Variants in SULF1 observed in about 807,000 individuals in gnomAD.
SULF1 encodes extracellular sulfatase Sulf-1.
Under a neutral mutation model 110.5 loss-of-function variants are expected in SULF1, and 46 were observed. The observed-to-expected ratio is 0.42, with a 90% CI of 0.33 to 0.53. SULF1 has a LOEUF of 0.53. SULF1 is among the 20% of genes least tolerant of loss of function. SULF1 has a pLI of 0.12. For missense variants in SULF1, 941 were observed against 1,094.2 expected (o/e 0.86, Z 1.98); for synonymous variants, 371 against 387.1 (o/e 0.96, Z 0.49).
chr8:69,627,988 C>G, intron 17 of SULF1, 122 bp downstream of exon 17: 1 of 898,856 alleles, frequency 1.1e-6, no homozygotes, highest in East Asian at 2.4e-5. Flanking sequence ...GTACGATAAC[C>G]TAAGCTATTT....
chr8:69,500,738 G>A (rs1810737282), intron 2 of SULF1, among the ~76,000 whole-genome samples: 1 of 152,200 alleles, frequency 6.6e-6, no homozygotes, highest in Non-Finnish European at 1.5e-5. Context: ...AGTGAAGCGA[G>A]TGATCTAGAG....
At chr8:69,590,866 C>T (rs1047475486) in intron 8 of SULF1, among the ~76,000 whole-genome samples, 4 of 152,196 alleles carry the variant, frequency 2.6e-5, no homozygotes, top group Non-Finnish European at 5.9e-5. Context: ...TTATAGCTCA[C>T]TTACAAATTT....
intron 3 of SULF1, among the ~76,000 whole-genome samples, chr8:69,548,758 G>A (rs1814476826): frequency 6.6e-6 from 1 of 151,862 alleles, no homozygotes; most frequent in Admixed American, 6.6e-5. Context: ...ACCGTGCCCA[G>A]ACTTGGATGT....
At chr8:69,512,471 G>A (rs530337319) in intron 3 of SULF1, among the ~76,000 whole-genome samples, 158 of 152,320 alleles carry the variant, frequency 1.0e-3, no homozygotes, top group African/African-American at 3.6e-3. Flanking sequence ...ATTGTAAAAA[G>A]ACAATGGAGA....
At chr8:69,614,311 A>G (rs1358743679) in intron 13 of SULF1, among the ~76,000 whole-genome samples, 1 of 152,240 alleles carries the variant, frequency 6.6e-6, no homozygotes, top group African/African-American at 2.4e-5. Context: ...ACCGATGAGT[A>G]AAAAACACCA....
chr8:69,657,653 T>C (rs1455549728), intron 22 of SULF1, among the ~76,000 whole-genome samples: 1 of 152,240 alleles, frequency 6.6e-6, no homozygotes, highest in Non-Finnish European at 1.5e-5. Flanking sequence ...TAGGATTCTC[T>C]ATCTTCTAGC....
rs115934063 is a variant in SULF1 at position 69,515,371 on chromosome 8, G to A, written c.-134+13403G>A. Among the ~76,000 whole-genome samples, 72 of 152,328 alleles carry A rather than the reference G, an allele frequency of 4.7e-4. 1 individual carries two copies. The highest frequency in any genetic ancestry group is 1.7e-3 in the African/African-American group (70 of 41,576). ...CCAAGCTTTATCTTGGCCCCTGTTA[G>A]CCATGGCTGGAGTTGGAGCAGCTAG... On this transcript the variant is annotated intron_variant, in intron 3 of 22. Coordinates refer to ENST00000402687, the MANE Select transcript of SULF1 (RefSeq NM_001128205.2).
chr8:69,478,629 C>A (rs1053114715), intron 1 of SULF1, among the ~76,000 whole-genome samples: 5 of 152,204 alleles, frequency 3.3e-5, no homozygotes, highest in Non-Finnish European at 2.9e-5. Context: ...ATGGAACTTT[C>A]TTTTCCTAAC....
intron 2 of SULF1, among the ~76,000 whole-genome samples, chr8:69,498,886 T>A (rs902948137): frequency 7.2e-5 from 11 of 151,968 alleles, no homozygotes; most frequent in Admixed American, 6.6e-5. Context: ...TGAGACAGAG[T>A]CTTACTTTAT....
chr8:69,600,133 T>G (rs1307998215), intron 8 of SULF1, among the ~76,000 whole-genome samples: 3 of 152,100 alleles, frequency 2.0e-5, no homozygotes, highest in East Asian at 1.9e-4. Flanking sequence ...TTCTCAAGTA[T>G]TCAGGAGAAA....
intron 3 of SULF1, among the ~76,000 whole-genome samples, chr8:69,515,869 T>C (rs1478506271): frequency 6.6e-6 from 1 of 152,198 alleles, no homozygotes; most frequent in Non-Finnish European, 1.5e-5. Flanking sequence ...ACCAGTCTCT[T>C]TGCTAAAGCA....
At position 69,628,845 on chromosome 8, in the gene SULF1, C is replaced by T. The variant is rs1810302238; in HGVS notation, c.2108+609C>T. 2.6e-5 allele frequency among the ~76,000 whole-genome samples: 4 copies of T among 152,102 alleles called. No individual in the cohort carries two copies. In the South Asian group the frequency reaches 6.2e-4, roughly 24 times the overall value. On this transcript the variant is annotated intron_variant, in intron 18 of 22. Transcript: ENST00000402687. ...ATTCAACTAACCTTTAACTCGATGG[C>T]TGATTGGTACTCGGCTGCCAAAAAA...
At chr8:69,558,999 CTCTT>C (rs1815300581) in intron 3 of SULF1, among the ~76,000 whole-genome samples, 1 of 152,058 alleles carries the variant, frequency 6.6e-6, no homozygotes. Context: ...TTTTGCAAAT[CTCTT>C]TAATGTTTAT....
intron 1 of SULF1, among the ~76,000 whole-genome samples, chr8:69,493,450 CA>C (rs1810079637): frequency 1.4e-4 from 2 of 14,098 alleles, no homozygotes; most frequent in Non-Finnish European, 2.4e-4. Flanking sequence ...CACAACACTA[CA>C]CACACACACA....
chr8:69,590,813 G>C (rs925242873), intron 8 of SULF1, among the ~76,000 whole-genome samples: 2 of 152,214 alleles, frequency 1.3e-5, no homozygotes, highest in Non-Finnish European at 2.9e-5. Flanking sequence ...AACTCTGCGA[G>C]TAAATTCATG....
chr8:69,528,768 G>A (rs1244253050), intron 3 of SULF1, among the ~76,000 whole-genome samples: 1 of 152,180 alleles, frequency 6.6e-6, no homozygotes, highest in East Asian at 1.9e-4. Flanking sequence ...AAGAAAGCAG[G>A]CAAGATAGCT....
chr8:69,516,515 T>C (rs1436027508), intron 3 of SULF1, among the ~76,000 whole-genome samples: 1 of 152,188 alleles, frequency 6.6e-6, no homozygotes, highest in African/African-American at 2.4e-5. Context: ...CAATTCAACA[T>C]AAGATTTGGG....
intron 22 of SULF1, among the ~76,000 whole-genome samples, chr8:69,649,759 A>G (rs1812187178): frequency 1.3e-5 from 2 of 151,988 alleles, no homozygotes; most frequent in African/African-American, 4.8e-5. Flanking sequence ...TCTTATCAGG[A>G]GCTGCATAAC....
intron 13 of SULF1, among the ~76,000 whole-genome samples, chr8:69,616,831 G>C (rs544805336): frequency 8.6e-5 from 13 of 151,746 alleles, no homozygotes; most frequent in Non-Finnish European, 1.5e-4. Context: ...GGGATTACAG[G>C]CGTGAGCCAC....
Sources: gnomAD v4.1 joint callset for allele counts (sites outside exome capture counted in the v4.1 genomes callset) on GRCh38, gnomAD v4.1.1 for gene constraint, MANE v1.5 for transcripts, NCBI Gene and HGNC (gene_info 2026-07-23, HGNC 2026-07-21) for gene names.